The following LHPP variants were observed in gnomAD, a reference collection of about 807,000 sequenced individuals.
LHPP encodes hLHPP.
Under a neutral mutation model 30.3 loss-of-function variants are expected in LHPP, and 24 were observed. The observed-to-expected ratio is 0.79, with a 90% CI of 0.57 to 1.11. The LOEUF (loss-of-function observed/expected upper bound fraction) is 1.11, where lower values mean the gene tolerates loss of function less well. Among genes scored for constraint, LHPP ranks in the 50% most tolerant of loss-of-function variants. The pLI, the probability that LHPP is intolerant of heterozygous loss-of-function variation, is 0.00. For missense variants in LHPP, 356 were observed against 367.2 expected (o/e 0.97, Z 0.25); for synonymous variants, 150 against 157.1 (o/e 0.95, Z 0.34).
chr10:124,529,792 CACAT>C lies in LHPP; in HGVS notation c.716+12525_716+12528del, dbSNP rs369012764. Among the ~76,000 whole-genome samples the C allele has an allele frequency of 3.8e-3, 251 of 66,334 alleles. 1 individual carries two copies. The highest frequency in any genetic ancestry group is 7.1e-3 in the African/African-American group (213 of 29,942). 43.5% of individuals were successfully genotyped at this position (66,334 alleles called of 152,430 possible). A position where few individuals can be genotyped will look rare whatever the true frequency, so the allele number is the denominator to read the frequency against. ...TGCGGGTCCTAGACACCAGCTCATG[CACAT>C]ACACACACACACACACGCACACACA... On this transcript the variant is annotated intron_variant, in intron 6 of 6. Coordinates refer to ENST00000368842, the MANE Select transcript of LHPP (RefSeq NM_022126.4).
In LHPP at chr10:124,537,896, C is replaced by T. The variant is rs905945112; in HGVS notation, c.716+20625C>T. Among the ~76,000 whole-genome samples, 74 of 152,358 alleles carry T rather than the reference C, an allele frequency of 4.9e-4. 1 individual carries two copies. The highest frequency in any genetic ancestry group is 1.7e-3 in the African/African-American group (72 of 41,592). On this transcript the variant is annotated intron_variant, in intron 6 of 6. Transcript: ENST00000368842. Reference sequence around the variant, plus strand: ...CCCTTTCATGTGCTGCCACAGGGCCCACGAGTGTGCTGAAAGGGAAGGACA... The same window carrying T: ...CCCTTTCATGTGCTGCCACAGGGCCTACGAGTGTGCTGAAAGGGAAGGACA...
chr10:124,467,936 C>A (rs1361572572), intron 1 of LHPP, among the ~76,000 whole-genome samples: 2 of 152,152 alleles, frequency 1.3e-5, no homozygotes, highest in Non-Finnish European at 2.9e-5. Flanking sequence ...TCTCAAACTC[C>A]TGACCTCAAG....
rs999112410 is a variant in LHPP at position 124,613,382 on chromosome 10, C to T, written c.*22C>T. 2.0e-6 allele frequency: 3 copies of T among 1,534,454 alleles called. No homozygotes were observed. Among genetic ancestry groups the T allele is most frequent in the East Asian group, 2.2e-5 (1 of 44,498 alleles). On this transcript the variant is annotated 3_prime_UTR_variant, in exon 7 of 7. Transcript: ENST00000368842. The stretch of plus-strand genomic sequence containing the variant: ...GTGATGGCCTCCTGGGAGAGCCCCG[C>T]CTCCTCCACCCCTGCCTCTCCTCCA...
At chr10:124,578,521 ACT>A (rs1948699364) in intron 6 of LHPP, among the ~76,000 whole-genome samples, 1 of 152,188 alleles carries the variant, frequency 6.6e-6, no homozygotes, top group African/African-American at 2.4e-5. Context: ...AACGGTTACC[ACT>A]GGTGTGACGG....
intron 5 of LHPP, among the ~76,000 whole-genome samples, chr10:124,501,730 G>A (rs1210909668): frequency 6.6e-6 from 1 of 151,594 alleles, no homozygotes; most frequent in Non-Finnish European, 1.5e-5. Context: ...TATGTAATGT[G>A]TATTTTACCA....
At chr10:124,535,608 A>G (rs1293430314) in intron 6 of LHPP, among the ~76,000 whole-genome samples, 3 of 149,314 alleles carry the variant, frequency 2.0e-5, no homozygotes, top group East Asian at 2.0e-4. Context: ...AGCTGTTGCT[A>G]TGTTGCCCAA....
At chr10:124,569,414 T>TGCAG (rs1056705906) in intron 6 of LHPP, among the ~76,000 whole-genome samples, 1 of 152,228 alleles carries the variant, frequency 6.6e-6, no homozygotes, top group African/African-American at 2.4e-5. Flanking sequence ...CAGGCATTGC[T>TGCAG]GCAGGGCCTG....
At chr10:124,540,697 T>C (rs1333175588) in intron 6 of LHPP, among the ~76,000 whole-genome samples, 1 of 151,882 alleles carries the variant, frequency 6.6e-6, no homozygotes, top group Non-Finnish European at 1.5e-5. Flanking sequence ...ACAGGCAGGG[T>C]TCCAGCAGCA....
chr10:124,600,030 A>G (rs899758803), intron 6 of LHPP, among the ~76,000 whole-genome samples: 4 of 152,186 alleles, frequency 2.6e-5, no homozygotes, highest in African/African-American at 9.7e-5. Flanking sequence ...TGTTCCAGGC[A>G]GAGGAGGTGG....
At chr10:124,515,082 G>T (rs188545499) in intron 5 of LHPP, among the ~76,000 whole-genome samples, 5 of 152,340 alleles carry the variant, frequency 3.3e-5, no homozygotes, top group Admixed American at 3.3e-4. Context: ...GATGATAGGT[G>T]TGAGCCACTG....
At chr10:124,467,599 C>A (rs551892010) in intron 1 of LHPP, among the ~76,000 whole-genome samples, 1 of 151,128 alleles carries the variant, frequency 6.6e-6, no homozygotes, top group East Asian at 1.9e-4. Context: ...CTCACTGCAG[C>A]CTTGACCTCC....
chr10:124,485,880 C>T (rs921852645), intron 2 of LHPP, among the ~76,000 whole-genome samples: 2 of 152,152 alleles, frequency 1.3e-5, no homozygotes, highest in Non-Finnish European at 2.9e-5. Context: ...GGATTACAGG[C>T]GTGAGCCACC....
rs140579429 is a variant in LHPP at position 124,551,872 on chromosome 10, A to G, written c.716+34601A>G. On this transcript the variant is annotated intron_variant, in intron 6 of 6. Coordinates refer to ENST00000368842, the MANE Select transcript of LHPP (RefSeq NM_022126.4). ...CTGACCTCACCACGGAGGCGCACGC[A>G]GGATGTCCGCAGGCCCCCGGGTGGC... Among the ~76,000 whole-genome samples the G allele has an allele frequency of 6.2e-3, 950 of 152,150 alleles. 7 individuals are homozygous for G. The highest frequency in any genetic ancestry group is 0.011 in the Non-Finnish European group (754 of 67,978).
intron 5 of LHPP, chr10:124,498,660 C>CTTTTTTTTTTTTTTTTTTT: frequency 5.7e-6 from 2 of 351,970 alleles, no homozygotes; most frequent in Non-Finnish European, 1.0e-5. Context: ...TTTTCTTTTT[C>CTTTTTTTTTTTTTTTTTTT]TTTTTTTTTT....
At chr10:124,581,221 A>G (rs542304649) in intron 6 of LHPP, among the ~76,000 whole-genome samples, 2 of 152,162 alleles carry the variant, frequency 1.3e-5, no homozygotes, top group Non-Finnish European at 2.9e-5. Flanking sequence ...ATGTTGTAGC[A>G]TGTATCAGGA....
chr10:124,604,964 AAG>A (rs1564850254), intron 6 of LHPP, among the ~76,000 whole-genome samples: 3 of 152,318 alleles, frequency 2.0e-5, no homozygotes, highest in African/African-American at 7.2e-5. Context: ...CAGGTCCCTC[AAG>A]AGCCCCTCGG....
At chr10:124,572,721 G>A (rs1033786668) in intron 6 of LHPP, among the ~76,000 whole-genome samples, 3 of 143,584 alleles carry the variant, frequency 2.1e-5, no homozygotes, top group African/African-American at 5.1e-5. Flanking sequence ...GAGAAAGGAG[G>A]AAGGGAGGGA....
rs887534589 is a variant in LHPP at position 124,596,931 on chromosome 10, C to T, written c.717-16333C>T. Among the ~76,000 whole-genome samples the T allele has an allele frequency of 2.6e-5, 4 of 152,176 alleles. No homozygotes were observed. Among genetic ancestry groups the T allele is most frequent in the Admixed American group, 2.0e-4 (3 of 15,284 alleles). ...ACTTTTGAGTCGGTGGACCGGGTGA[C>T]GGAGACCCACCCTCCGTGTGGGTGG... On this transcript the variant is annotated intron_variant, in intron 6 of 6. Coordinates refer to ENST00000368842, the MANE Select transcript of LHPP (RefSeq NM_022126.4). This position sits in a 1 kb window ranked among gnomAD's most constrained non-coding sequence, Gnocchi z 4.6.
chr10:124,607,674 T>C (rs1589716795), intron 6 of LHPP, among the ~76,000 whole-genome samples: 1 of 151,508 alleles, frequency 6.6e-6, no homozygotes, highest in South Asian at 2.1e-4. Flanking sequence ...AAGGAGGGGG[T>C]CCTGGGGGCC....
Sources: allele counts gnomAD v4.1 joint callset (sites outside exome capture counted in the v4.1 genomes callset), GRCh38; gene constraint gnomAD v4.1.1; non-coding constraint Gnocchi (gnomAD v3.1); transcripts MANE v1.5; gene names NCBI Gene and HGNC (gene_info 2026-07-23, HGNC 2026-07-21).